The following ADGRB3 variants were observed in gnomAD, a reference collection of about 807,000 sequenced individuals.
ADGRB3 encodes brain-specific angiogenesis inhibitor 3.
In ADGRB3, 37 loss-of-function variants were observed where a neutral mutation model predicts 193.4. The ratio of observed to expected loss-of-function variants is 0.19; its 90% CI spans 0.15 to 0.25. The LOEUF is 0.25. Ranked by LOEUF, ADGRB3 falls within the 10% of genes least tolerant of loss-of-function variation. ADGRB3 has a pLI of 1.00. For missense variants in ADGRB3, 1,637 were observed against 1,852.9 expected, an observed-to-expected ratio of 0.88 and a Z score of 2.14; for synonymous variants, 690 against 644.2, an observed-to-expected ratio of 1.07 and a Z score of -1.08.
chr6:69,166,838 T>C (rs1161142778), intron 17 of ADGRB3, among the ~76,000 whole-genome samples: 2 of 152,192 alleles, frequency 1.3e-5, no homozygotes, highest in Non-Finnish European at 2.9e-5. Context: ...GCACTCTCTT[T>C]TGAGCAGTAC....
intron 3 of ADGRB3, among the ~76,000 whole-genome samples, chr6:68,733,210 T>C (rs1319163545): frequency 1.3e-5 from 2 of 149,318 alleles, no homozygotes; most frequent in East Asian, 3.9e-4. Flanking sequence ...CAGTGGTGGA[T>C]TGGATAAAGA....
chr6:69,336,273 C>T (rs1768845499), intron 24 of ADGRB3, among the ~76,000 whole-genome samples: 1 of 151,892 alleles, frequency 6.6e-6, no homozygotes, highest in African/African-American at 2.4e-5. Context: ...ATTTTTAGAA[C>T]ATCTTAAGCA....
intron 17 of ADGRB3, among the ~76,000 whole-genome samples, chr6:69,144,239 A>T (rs1774419311): frequency 6.6e-6 from 1 of 152,138 alleles, no homozygotes; most frequent in African/African-American, 2.4e-5. Context: ...TGATTGTTGT[A>T]TGTTGATTTT....
intron 24 of ADGRB3, among the ~76,000 whole-genome samples, chr6:69,334,868 C>T (rs1198767111): frequency 4.6e-5 from 7 of 152,136 alleles, no homozygotes; most frequent in Non-Finnish European, 1.0e-4. Context: ...TCAGTCTCCT[C>T]ATCTGTTAAA....
At chr6:69,318,518 T>A (rs1393039440) in intron 20 of ADGRB3, among the ~76,000 whole-genome samples, 1 of 151,418 alleles carries the variant, frequency 6.6e-6, no homozygotes, top group Non-Finnish European at 1.5e-5. Flanking sequence ...TAAGTGGAAG[T>A]GGCTTACAGC....
intron 20 of ADGRB3, among the ~76,000 whole-genome samples, chr6:69,284,105 G>A (rs1767499737): frequency 2.6e-5 from 4 of 152,096 alleles, no homozygotes; most frequent in Admixed American, 2.0e-4. Context: ...AATTCTCATT[G>A]TTCTTGAGAT....
chr6:68,831,149 A>G (rs1767944069), intron 3 of ADGRB3, among the ~76,000 whole-genome samples: 1 of 151,910 alleles, frequency 6.6e-6, no homozygotes, highest in Admixed American at 6.6e-5. Flanking sequence ...AAAGGAATAC[A>G]AGAAGGGGCA....
intron 3 of ADGRB3, among the ~76,000 whole-genome samples, chr6:68,825,631 C>A (rs560635101): frequency 6.6e-6 from 1 of 152,156 alleles, no homozygotes; most frequent in African/African-American, 2.4e-5. Flanking sequence ...AAGGGAGAGA[C>A]CAGGTGGAGG....
chr6:69,376,446 G>C (rs975860686), intron 30 of ADGRB3, among the ~76,000 whole-genome samples: 1 of 151,812 alleles, frequency 6.6e-6, no homozygotes, highest in African/African-American at 2.4e-5. Context: ...AGTTTTTAAT[G>C]AGCTCCATAC....
chr6:69,293,258 G>T (rs1387091392), intron 20 of ADGRB3, among the ~76,000 whole-genome samples: 1 of 151,946 alleles, frequency 6.6e-6, no homozygotes, highest in Non-Finnish European at 1.5e-5. Context: ...CCTTGCTTGG[G>T]AATCCATGAG....
chr6:68,880,213 C>A (rs565009390), intron 3 of ADGRB3, among the ~76,000 whole-genome samples: 6 of 152,128 alleles, frequency 3.9e-5, no homozygotes, highest in Non-Finnish European at 8.8e-5. Context: ...TTTGGTCAGT[C>A]AGCTGGGCAA....
At chr6:69,330,678 T>G (rs1170208971) in intron 23 of ADGRB3, 106 bp downstream of exon 23, 1 of 875,976 alleles carries the variant, frequency 1.1e-6, no homozygotes, top group Non-Finnish European at 1.7e-6. Context: ...GTGTAGAAAT[T>G]TTAAAGTTCA....
At chr6:69,066,734 A>G (rs1056736278) in intron 16 of ADGRB3, among the ~76,000 whole-genome samples, 1 of 152,126 alleles carries the variant, frequency 6.6e-6, no homozygotes, top group Non-Finnish European at 1.5e-5. Context: ...ATTGCTTTAA[A>G]GAAATATCAA....
At chr6:68,892,857 GC>G (rs372172707) in intron 3 of ADGRB3, among the ~76,000 whole-genome samples, 118 of 152,256 alleles carry the variant, frequency 7.8e-4, no homozygotes, top group African/African-American at 2.4e-3. Context: ...GTTGAAAGAT[GC>G]AATTTGGATA....
chr6:69,136,821 T>C (rs1377735913), intron 17 of ADGRB3, among the ~76,000 whole-genome samples: 1 of 152,112 alleles, frequency 6.6e-6, no homozygotes, highest in African/African-American at 2.4e-5. Flanking sequence ...AGAAAATTTA[T>C]CTTTCTACTT....
chr6:68,941,575 A>AG (rs1223933194), intron 5 of ADGRB3, among the ~76,000 whole-genome samples: 1 of 151,908 alleles, frequency 6.6e-6, no homozygotes, highest in Non-Finnish European at 1.5e-5. Context: ...ATGATTTGAC[A>AG]GAAAAAAAAA....
intron 17 of ADGRB3, among the ~76,000 whole-genome samples, chr6:69,203,042 A>G (rs558232804): frequency 4.6e-5 from 7 of 152,294 alleles, no homozygotes; most frequent in African/African-American, 1.7e-4. Context: ...GATAGTAGTC[A>G]TGGTAACATA....
chr6:69,186,051 T>C (rs1176447774), intron 17 of ADGRB3, among the ~76,000 whole-genome samples: 3 of 151,974 alleles, frequency 2.0e-5, no homozygotes, highest in African/African-American at 7.2e-5. Context: ...TGGTAACCAA[T>C]TAGCTTTGCT....
At chr6:69,186,119 C>A (rs762383289) in intron 17 of ADGRB3, among the ~76,000 whole-genome samples, 2 of 147,398 alleles carry the variant, frequency 1.4e-5, no homozygotes, top group Non-Finnish European at 3.0e-5. Flanking sequence ...GTAAAAGAAA[C>A]TGGGTATTCT....
Sources: gnomAD v4.1 joint callset for allele counts (sites outside exome capture counted in the v4.1 genomes callset) on GRCh38, gnomAD v4.1.1 for gene constraint, MANE v1.5 for transcripts, NCBI Gene and HGNC (gene_info 2026-07-23, HGNC 2026-07-21) for gene names.